The following NPHP4 variants were observed in gnomAD, a reference collection of about 807,000 sequenced individuals.
The protein encoded by NPHP4 is nephrocystin 4.
NPHP4 carries 151 observed loss-of-function variants against 155.8 expected under a neutral mutation model. The ratio of observed to expected loss-of-function variants is 0.97; its 90% CI spans 0.85 to 1.11. The LOEUF (loss-of-function observed/expected upper bound fraction) is 1.11. Ranked by LOEUF, NPHP4 falls within the 50% of genes least tolerant of loss-of-function variation. The pLI is 0.00. For synonymous variants in NPHP4, 845 were observed against 816.8 expected (o/e 1.03, Z -0.59); for missense variants, 1,956 against 1,925.7 (o/e 1.02, Z -0.29).
At chr1:5,950,974 C>G (rs1007911567) in intron 7 of NPHP4, among the ~76,000 whole-genome samples, 7 of 152,162 alleles carry the variant, frequency 4.6e-5, no homozygotes, top group African/African-American at 1.7e-4. Context: ...GACAGCCTCC[C>G]ACGGGAGCAT....
At chr1:5,926,124 A>C (rs1167656420) in intron 11 of NPHP4, among the ~76,000 whole-genome samples, 1 of 152,202 alleles carries the variant, frequency 6.6e-6, no homozygotes, top group Non-Finnish European at 1.5e-5. Flanking sequence ...AGTGCCGTTT[A>C]TAAAGATGGG....
chr1:5,969,595 G>A (rs1652189351), intron 3 of NPHP4, among the ~76,000 whole-genome samples: 1 of 152,198 alleles, frequency 6.6e-6, no homozygotes, highest in Non-Finnish European at 1.5e-5. Context: ...CACTAGAGCA[G>A]AATGGGGCTA....
chr1:5,974,579 A>G (rs138255943), intron 3 of NPHP4, among the ~76,000 whole-genome samples: 1 of 152,010 alleles, frequency 6.6e-6, no homozygotes, highest in East Asian at 1.9e-4. Flanking sequence ...ATTCCTCCCC[A>G]CCAGGAAAGG....
chr1:5,883,397 T>C (rs547211114), intron 18 of NPHP4, among the ~76,000 whole-genome samples: 1 of 152,140 alleles, frequency 6.6e-6, no homozygotes, highest in African/African-American at 2.4e-5. Flanking sequence ...GCCCTCCACA[T>C]GATGGGGAGA....
Position 5,867,113 on chromosome 1 carries a change from C to T in NPHP4, c.3475G>A (p.Ala1159Thr), listed in dbSNP as rs1641318599. ...TCCTCACCAAGCATTCCCACCGGAG[C>T]ACCTGGAGCAGGGGAAATGTCAAAA... ...RLPPWHTFPG[A>T]PVGMLGEDPP... Residue 1159 changes from alanine to threonine, a missense_variant and splice_region_variant, in exon 25 of 30, where the codon GCT (alanine) becomes ACT (threonine). Transcript: ENST00000378156. The surrounding 1 kb of genome is among the most constrained non-coding windows in gnomAD (Gnocchi z 4.1). The T allele has an allele frequency of 6.2e-7, 1 of 1,610,770 alleles. No individual in the cohort carries two copies. Among genetic ancestry groups the T allele is most frequent in the Non-Finnish European group, 8.5e-7 (1 of 1,178,416 alleles).
chr1:5,957,557 A>C (rs1466975037), intron 6 of NPHP4, among the ~76,000 whole-genome samples: 1 of 151,888 alleles, frequency 6.6e-6, no homozygotes, highest in Non-Finnish European at 1.5e-5. Context: ...CTCAAAAACA[A>C]GACCGCTGCA....
At chr1:5,927,591 A>C in intron 11 of NPHP4, 58 bp downstream of exon 11, 73 of 1,529,580 alleles carry the variant, frequency 4.8e-5, no homozygotes, top group Non-Finnish European at 6.1e-5. Context: ...TTCCCCGGGA[A>C]GAGATGGAAG....
At chr1:5,873,414 G>C in intron 22 of NPHP4, 79 bp from the exon 23 acceptor site, 1 of 1,162,460 alleles carries the variant, frequency 8.6e-7, no homozygotes, top group South Asian at 1.3e-5. Context: ...AGACACCACT[G>C]CCACCCAGCT....
chr1:5,978,381 G>A lies in NPHP4; in HGVS notation c.168C>T (p.Cys56=), dbSNP rs1329787931. The change falls in exon 3 of 30, where the codon TGC becomes TGT. Residue 56 remains cysteine (C), a synonymous_variant. Coordinates refer to ENST00000378156, the MANE Select transcript of NPHP4 (RefSeq NM_015102.5). ...CATCAAAGAAAGACACTCGCAGATG[G>A]CATTCAACCTCTGACAGTACCTCCA... is the stretch of plus-strand genomic sequence containing the variant. The part of the protein sequence containing the change: ...GVLEVLSEVE[C]HLRVSFFDVT... 1.1e-5 allele frequency: 17 copies of A among 1,606,592 alleles called. No individual in the cohort carries two copies. Among genetic ancestry groups the A allele is most frequent in the Non-Finnish European group, 1.3e-5 (15 of 1,176,738 alleles).
At chr1:5,879,624 G>A (rs1458218704) in intron 19 of NPHP4, 3 of 519,024 alleles carry the variant, frequency 5.8e-6, no homozygotes, top group South Asian at 2.8e-5. Context: ...GTCGCCTGCA[G>A]AGCCCAGCCT....
chr1:5,917,928 G>A (rs968137052), intron 11 of NPHP4, among the ~76,000 whole-genome samples: 4 of 152,154 alleles, frequency 2.6e-5, no homozygotes, highest in Admixed American at 2.6e-4. Context: ...TCCTACTGGC[G>A]CAACCCAGCA....
At chr1:5,938,298 C>T (rs1419923631) in intron 9 of NPHP4, among the ~76,000 whole-genome samples, 1 of 152,210 alleles carries the variant, frequency 6.6e-6, no homozygotes, top group Non-Finnish European at 1.5e-5. Context: ...GAGACTGAGC[C>T]CCACCAGGTG....
intron 5 of NPHP4, among the ~76,000 whole-genome samples, chr1:5,962,324 C>A (rs906653773): frequency 6.6e-6 from 1 of 152,098 alleles, no homozygotes; most frequent in African/African-American, 2.4e-5. Context: ...GGATTACAGG[C>A]ATGAGACACC....
chr1:5,917,953 G>A (rs1386139471), intron 11 of NPHP4, among the ~76,000 whole-genome samples: 3 of 152,190 alleles, frequency 2.0e-5, no homozygotes, highest in Admixed American at 2.0e-4. Context: ...TCAAGATGGC[G>A]AACACCCTCT....
intron 19 of NPHP4, among the ~76,000 whole-genome samples, chr1:5,877,927 G>A (rs1642787638): frequency 1.3e-5 from 2 of 152,214 alleles, no homozygotes; most frequent in Admixed American, 6.5e-5. Context: ...GGCAGGCAAA[G>A]GCTCAGCCAC....
intron 7 of NPHP4, among the ~76,000 whole-genome samples, chr1:5,949,671 G>A (rs1647568176): frequency 1.3e-5 from 2 of 151,972 alleles, no homozygotes; most frequent in Admixed American, 1.3e-4. Flanking sequence ...GTCCAGACCT[G>A]AAGCCTGAGG....
rs539106346 is a variant in NPHP4 at position 5,907,923 on chromosome 1, G to A, written c.1504-701C>T. Among the ~76,000 whole-genome samples the A allele has an allele frequency of 2.8e-4, 43 of 152,346 alleles. No individual in the cohort carries two copies. In the Middle Eastern group the frequency reaches 0.014, roughly 48 times the overall value. ...ATACTGCAGATATTTGGAAATGAGT[G>A]CGGCTTAAAACACTGATGCGGAGGG... On this transcript the variant is annotated intron_variant, in intron 12 of 29. Transcript: ENST00000378156.
rs1294693530 is a variant in NPHP4 at position 5,874,873 on chromosome 1, C to A, written c.3044+1G>T. ...CAGGACGGGCACCACTGAGACCTCA[C>A]CTGAGCTCGGGGTTGTCGATCTCCA... is the stretch of plus-strand genomic sequence containing the variant. On this transcript the variant is annotated splice_donor_variant, in intron 21 of 29. Coordinates refer to ENST00000378156, the MANE Select transcript of NPHP4 (RefSeq NM_015102.5). LOFTEE classifies it high-confidence loss of function. 4.3e-6 allele frequency: 7 copies of A among 1,613,164 alleles called. No individual in the cohort carries two copies. Among genetic ancestry groups the A allele is most frequent in the Middle Eastern group, 1.7e-4 (1 of 6,058 alleles).
In NPHP4 at chr1:5,890,777, C is replaced by T. The variant is rs1420472537; in HGVS notation, c.2304+91G>A. ...AACAAGTCCTGTGCGGGATAGCGCC[C>T]GCTCCTTCCAAGCAGACAGACGCTG... On this transcript the variant is annotated intron_variant, in intron 17 of 29. Coordinates refer to ENST00000378156, the MANE Select transcript of NPHP4 (RefSeq NM_015102.5). The surrounding 1 kb of genome is among the most constrained non-coding windows in gnomAD (Gnocchi z 4.9). The T allele has an allele frequency of 2.3e-6, 3 of 1,293,608 alleles. No individual in the cohort carries two copies. Among genetic ancestry groups the T allele is most frequent in the Non-Finnish European group, 3.2e-6 (3 of 926,052 alleles). The allele number at this position is 1,293,608 out of a possible 1,614,324, so 80.1% of individuals were successfully genotyped here. A position where few individuals can be genotyped will look rare whatever the true frequency, so the allele number is the denominator to read the frequency against.
Sources: gnomAD v4.1 joint callset for allele counts (sites outside exome capture counted in the v4.1 genomes callset) on GRCh38, gnomAD v4.1.1 for gene constraint, Gnocchi (gnomAD v3.1) non-coding constraint, MANE v1.5 for transcripts, NCBI Gene and HGNC (gene_info 2026-07-23, HGNC 2026-07-21) for gene names.